Variants in FRMD4A observed in about 807,000 individuals in gnomAD.
FRMD4A encodes the protein FERM domain containing 4A, also known as FERM domain-containing protein 4A.
In FRMD4A, 29 loss-of-function variants were observed where a neutral mutation model predicts 129.1. The ratio of observed to expected loss-of-function variants is 0.22; its 90% CI spans 0.17 to 0.31. The LOEUF (loss-of-function observed/expected upper bound fraction) is 0.31. Ranked by LOEUF, FRMD4A falls within the 10% of genes least tolerant of loss-of-function variation. The pLI, the probability that FRMD4A is intolerant of heterozygous loss-of-function variation, is 1.00. For synonymous variants in FRMD4A, 634 were observed against 571.6 expected, an observed-to-expected ratio of 1.11 and a Z score of -1.56; for missense variants, 1,272 against 1,375.8, an observed-to-expected ratio of 0.92 and a Z score of 1.19.
At chr10:14,193,670 A>G (rs1283326047) in intron 2 of FRMD4A, among the ~76,000 whole-genome samples, 1 of 148,502 alleles carries the variant, frequency 6.7e-6, no homozygotes, top group Admixed American at 6.8e-5. Flanking sequence ...AGGGACCAGC[A>G]GTGCTGGTCT....
At chr10:14,151,639 A>G (rs2131855418) in intron 2 of FRMD4A, among the ~76,000 whole-genome samples, 2 of 152,240 alleles carry the variant, frequency 1.3e-5, no homozygotes, top group South Asian at 2.1e-4. Context: ...TACCCTCTAA[A>G]TAAAAAATAA....
At chr10:13,682,696 A>G (rs1452969216) in intron 15 of FRMD4A, among the ~76,000 whole-genome samples, 1 of 151,784 alleles carries the variant, frequency 6.6e-6, no homozygotes, top group East Asian at 1.9e-4. Context: ...AGATGGGGTT[A>G]GTAGAGATAT....
chr10:13,959,510 A>ATTTT (rs71388141), intron 2 of FRMD4A, among the ~76,000 whole-genome samples: 11 of 89,812 alleles, frequency 1.2e-4, no homozygotes, highest in Non-Finnish European at 1.5e-4. Context: ...GCTGTGAGTG[A>ATTTT]TTTTTTTTTT....
chr10:13,757,320 C>T (rs2091906135), intron 8 of FRMD4A, among the ~76,000 whole-genome samples: 2 of 152,208 alleles, frequency 1.3e-5, no homozygotes, highest in Non-Finnish European at 2.9e-5. Context: ...GAGATTACTA[C>T]ATGCTGTGCT....
At chr10:14,030,847 C>T (rs1355342115) in intron 2 of FRMD4A, among the ~76,000 whole-genome samples, 1 of 152,178 alleles carries the variant, frequency 6.6e-6, no homozygotes, top group Non-Finnish European at 1.5e-5. Context: ...TCCATTTTGA[C>T]AGCCTCTCCA....
At chr10:14,100,842 T>C (rs987892381) in intron 2 of FRMD4A, among the ~76,000 whole-genome samples, 9 of 152,222 alleles carry the variant, frequency 5.9e-5, no homozygotes, top group Admixed American at 3.3e-4. Context: ...ATCAATCATT[T>C]GATGACTTTA....
chr10:14,142,693 G>C (rs1349320653), intron 2 of FRMD4A, among the ~76,000 whole-genome samples: 3 of 152,224 alleles, frequency 2.0e-5, no homozygotes, highest in African/African-American at 7.2e-5. Flanking sequence ...GTAAAGAGAA[G>C]TACTTAAAGC....
chr10:13,669,057 GTTTTTTTTTT>G (rs56706198), intron 17 of FRMD4A, among the ~76,000 whole-genome samples: 10 of 97,446 alleles, frequency 1.0e-4, no homozygotes, highest in Non-Finnish European at 1.2e-4. Context: ...CTGAGCTTTA[GTTTTTTTTTT>G]TTTTTTTTTT....
At chr10:13,924,447 C>T (rs1364701452) in intron 2 of FRMD4A, among the ~76,000 whole-genome samples, 1 of 151,882 alleles carries the variant, frequency 6.6e-6, no homozygotes, top group African/African-American at 2.4e-5. Flanking sequence ...AGCCATGCTC[C>T]CACCTCTAGG....
chr10:13,989,505 T>C (rs2095595914), intron 2 of FRMD4A, among the ~76,000 whole-genome samples: 1 of 152,194 alleles, frequency 6.6e-6, no homozygotes, highest in Non-Finnish European at 1.5e-5. Flanking sequence ...ATTTTTGTAT[T>C]TTTAGTAGAG....
chr10:14,081,229 C>T (rs991927857), intron 2 of FRMD4A, among the ~76,000 whole-genome samples: 63 of 152,056 alleles, frequency 4.1e-4, no homozygotes, highest in Admixed American at 3.8e-3. Flanking sequence ...TCTCTACTTG[C>T]GTGAAATGAA....
chr10:13,959,468 TCA>T (rs2095432098), intron 2 of FRMD4A, among the ~76,000 whole-genome samples: 1 of 77,094 alleles, frequency 1.3e-5, no homozygotes, highest in African/African-American at 7.3e-5. Context: ...CAAGACTGTT[TCA>T]TAAAAAAAAA....
At chr10:13,784,817 C>T (rs1040508934) in intron 5 of FRMD4A, among the ~76,000 whole-genome samples, 1 of 151,950 alleles carries the variant, frequency 6.6e-6, no homozygotes, top group African/African-American at 2.4e-5. Flanking sequence ...TGGTGAAACC[C>T]CTGTCTCTAC....
chr10:13,985,016 A>C (rs2095575938), intron 2 of FRMD4A, among the ~76,000 whole-genome samples: 1 of 152,226 alleles, frequency 6.6e-6, no homozygotes, highest in African/African-American at 2.4e-5. Flanking sequence ...GCAGGCAGGG[A>C]CGCTGCCCAC....
At chr10:13,784,853 T>G (rs1001352603) in intron 5 of FRMD4A, among the ~76,000 whole-genome samples, 7 of 151,002 alleles carry the variant, frequency 4.6e-5, no homozygotes, top group Admixed American at 3.9e-4. Flanking sequence ...TAGCCAGGGG[T>G]GGGTGTGGGT....
At chr10:13,784,828 TA>T (rs2092815594) in intron 5 of FRMD4A, among the ~76,000 whole-genome samples, 1 of 151,940 alleles carries the variant, frequency 6.6e-6, no homozygotes, top group Non-Finnish European at 1.5e-5. Flanking sequence ...CTGTCTCTAC[TA>T]AAAATACAAA....
chr10:13,898,578 A>G (rs2094784537), intron 2 of FRMD4A, among the ~76,000 whole-genome samples: 1 of 152,156 alleles, frequency 6.6e-6, no homozygotes. Context: ...TCCACTAATA[A>G]CAAGTGCCAG....
intron 2 of FRMD4A, among the ~76,000 whole-genome samples, chr10:14,172,979 A>G (rs1841552542): frequency 6.6e-6 from 1 of 152,132 alleles, no homozygotes; most frequent in Non-Finnish European, 1.5e-5. Flanking sequence ...CACAAGACCT[A>G]CTTCTAACAT....
At chr10:13,902,896 C>T (rs2094838198) in intron 2 of FRMD4A, among the ~76,000 whole-genome samples, 1 of 151,726 alleles carries the variant, frequency 6.6e-6, no homozygotes. Context: ...TACCCCCACT[C>T]CCATTTCCAA....
Sources: gnomAD v4.1 joint callset for allele counts (sites outside exome capture counted in the v4.1 genomes callset) on GRCh38, gnomAD v4.1.1 for gene constraint, MANE v1.5 for transcripts, NCBI Gene and HGNC (gene_info 2026-07-23, HGNC 2026-07-21) for gene names.